CYTH1: variants seen among roughly 807,000 people sequenced by gnomAD.
The protein encoded by CYTH1 is cytohesin-1.
In CYTH1, 18 loss-of-function variants were observed where a neutral mutation model predicts 61.8. The ratio of observed to expected loss-of-function variants is 0.29; its 90% confidence interval spans 0.20 to 0.43. CYTH1 has a LOEUF of 0.43. CYTH1 is among the 20% of genes least tolerant of loss of function. The pLI is 1.00. For missense variants in CYTH1, 336 were observed against 510.5 expected (o/e 0.66, Z 3.29); for synonymous variants, 174 against 184.3 (o/e 0.94, Z 0.45).
chr17:78,707,988 A>G (rs910682648), intron 3 of CYTH1, among the ~76,000 whole-genome samples: 2 of 152,198 alleles, frequency 1.3e-5, no homozygotes, highest in East Asian at 1.9e-4. Context: ...CTCCAGTTCA[A>G]TTTTTTAAAC....
chr17:78,707,561 C>T (rs972955341), intron 3 of CYTH1, among the ~76,000 whole-genome samples: 2 of 152,086 alleles, frequency 1.3e-5, no homozygotes, highest in African/African-American at 4.8e-5. Flanking sequence ...TTTTCCTTTA[C>T]ACAAAGGAAA....
chr17:78,753,694 GT>G (rs1226783204), intron 1 of CYTH1, among the ~76,000 whole-genome samples: 10 of 152,022 alleles, frequency 6.6e-5, no homozygotes, highest in African/African-American at 2.2e-4. Flanking sequence ...GACTAAATAG[GT>G]GATTTGCCAT....
At chr17:78,728,266 C>A (rs1244374775) in intron 1 of CYTH1, among the ~76,000 whole-genome samples, 1 of 152,174 alleles carries the variant, frequency 6.6e-6, no homozygotes, top group South Asian at 2.1e-4. Context: ...ATTATTTACG[C>A]CGGGTGCAGT....
intron 1 of CYTH1, among the ~76,000 whole-genome samples, chr17:78,710,848 A>G (rs1187482325): frequency 6.6e-6 from 1 of 152,148 alleles, no homozygotes; most frequent in Non-Finnish European, 1.5e-5. Context: ...GGGTCCTTCT[A>G]TCCTTCAGTG....
At position 78,700,714 on chromosome 17, in the gene CYTH1, G is replaced by A. The variant is rs1316659680; in HGVS notation, c.438-271C>T. On this transcript the variant is annotated intron_variant, in intron 6 of 13. Coordinates refer to ENST00000446868, the MANE Select transcript of CYTH1 (RefSeq NM_004762.6). This position sits in a 1 kb window ranked among gnomAD's most constrained non-coding sequence, Gnocchi z 5.1. The stretch of plus-strand genomic sequence containing the variant: ...AATTTTTTGTATTTTTAGTAGAGAC[G>A]GGGTTTCACCATGCTGGCCAGGCTG... Among the ~76,000 whole-genome samples the A allele has an allele frequency of 3.3e-5, 5 of 151,974 alleles. No individual in the cohort carries two copies. The highest frequency in any genetic ancestry group is 1.3e-4 in the Admixed American group (2 of 15,276).
Position 78,701,000 on chromosome 17 carries a change from A to G in CYTH1, c.438-557T>C, listed in dbSNP as rs890065618. On this transcript the variant is annotated intron_variant, in intron 6 of 13. Transcript: ENST00000446868. This position sits in a 1 kb window ranked among gnomAD's most constrained non-coding sequence, Gnocchi z 5.1. The stretch of plus-strand genomic sequence containing the variant: ...ATTAGGAGGGAAACAATCCCTACTG[A>G]GGAGTGGTTTCCCTCCTCAGAATAA... Among the ~76,000 whole-genome samples the G allele has an allele frequency of 2.0e-5, 3 of 152,246 alleles. No homozygotes were observed. Among genetic ancestry groups the G allele is most frequent in the Admixed American group, 1.3e-4 (2 of 15,282 alleles).
At chr17:78,726,191 C>T (rs182609656) in intron 1 of CYTH1, among the ~76,000 whole-genome samples, 78 of 151,908 alleles carry the variant, frequency 5.1e-4, no homozygotes, top group Non-Finnish European at 1.8e-4. Context: ...CTACAGGCAC[C>T]CGCTACCACG....
At chr17:78,742,549 G>A (rs964504411) in intron 1 of CYTH1, among the ~76,000 whole-genome samples, 2 of 151,988 alleles carry the variant, frequency 1.3e-5, no homozygotes, top group Admixed American at 1.3e-4. Context: ...GCAAGAGTGA[G>A]ACCCTGTCTC....
intron 1 of CYTH1, among the ~76,000 whole-genome samples, chr17:78,755,561 T>C (rs1169881437): frequency 6.8e-6 from 1 of 146,422 alleles, no homozygotes; most frequent in East Asian, 2.0e-4. Context: ...TTCACTTACA[T>C]AAAATTCTAG....
At chr17:78,760,568 T>C (rs546302178) in intron 1 of CYTH1, among the ~76,000 whole-genome samples, 453 of 29,406 alleles carry the variant, frequency 0.015, 51 homozygotes, top group African/African-American at 0.046. Flanking sequence ...TATATATATA[T>C]ACACATACAT....
In CYTH1 at chr17:78,780,452, C is replaced by G. The variant is rs147373726; in HGVS notation, c.22+1750G>C. Among the ~76,000 whole-genome samples the G allele has an allele frequency of 8.5e-5, 13 of 152,278 alleles. No individual in the cohort carries two copies. The East Asian group carries it at 2.1e-3, about 25-fold the overall frequency. ...GATTGCTTGAGCCAAGGAAGCAGAGCGTGCAGTGAGCTATGAGAGCGCCCC... is the reference window on the plus strand; with the variant it reads ...GATTGCTTGAGCCAAGGAAGCAGAGGGTGCAGTGAGCTATGAGAGCGCCCC... On this transcript the variant is annotated intron_variant, in intron 1 of 13. Coordinates refer to ENST00000446868, the MANE Select transcript of CYTH1 (RefSeq NM_004762.6).
At position 78,677,539 on chromosome 17, in the gene CYTH1, C is replaced by T. The variant is rs553898651; in HGVS notation, c.1119-1370G>A. Reference sequence around the variant, plus strand: ...CATCTCAGCGCCTAGCCGACACACTCGATGGCAGCCGCTGTTACCGCTGAC... The same window carrying T: ...CATCTCAGCGCCTAGCCGACACACTTGATGGCAGCCGCTGTTACCGCTGAC... On this transcript the variant is annotated intron_variant, in intron 13 of 13. Coordinates refer to ENST00000446868, the MANE Select transcript of CYTH1 (RefSeq NM_004762.6). The T allele has an allele frequency of 5.0e-5, 8 of 161,330 alleles. No individual in the cohort carries two copies. The South Asian group carries it at 5.2e-4, about 10-fold the overall frequency. The allele number at this position is 161,330 out of a possible 1,614,324, so 10.0% of individuals were successfully genotyped here.
chr17:78,731,755 C>CAAAA (rs376349109), intron 1 of CYTH1, among the ~76,000 whole-genome samples: 4 of 73,664 alleles, frequency 5.4e-5, no homozygotes, highest in South Asian at 5.5e-4. Context: ...GACTCCGTCT[C>CAAAA]AAAAAAAAAA....
At chr17:78,684,714 T>C (rs2092798537) in intron 11 of CYTH1, among the ~76,000 whole-genome samples, 1 of 152,076 alleles carries the variant, frequency 6.6e-6, no homozygotes, top group African/African-American at 2.4e-5. Flanking sequence ...GAAAAACAGG[T>C]TTTATGAAAA....
At chr17:78,684,431 C>A (rs1030974372) in intron 11 of CYTH1, among the ~76,000 whole-genome samples, 2 of 152,246 alleles carry the variant, frequency 1.3e-5, no homozygotes, top group African/African-American at 4.8e-5. Context: ...AACAGGCAGG[C>A]TGCACCCCTC....
At chr17:78,688,284 G>A (rs533510328) in intron 11 of CYTH1, among the ~76,000 whole-genome samples, 6 of 152,366 alleles carry the variant, frequency 3.9e-5, no homozygotes, top group African/African-American at 1.2e-4. Context: ...CAGCCGTGGT[G>A]TTGGTTGGCA....
chr17:78,740,869 G>A (rs1332213003), intron 1 of CYTH1, among the ~76,000 whole-genome samples: 2 of 152,170 alleles, frequency 1.3e-5, no homozygotes, highest in Non-Finnish European at 2.9e-5. Flanking sequence ...CAGAGTGTTA[G>A]ATTACTACGT....
At chr17:78,730,518 G>T (rs1016091457) in intron 1 of CYTH1, among the ~76,000 whole-genome samples, 16 of 149,680 alleles carry the variant, frequency 1.1e-4, no homozygotes, top group Non-Finnish European at 2.1e-4. Flanking sequence ...CAGCCTGGGC[G>T]ACAGCGAGAC....
chr17:78,702,160 C>G lies in CYTH1; in HGVS notation c.318G>C (p.Gly106=). 1 of 1,614,194 alleles carries G rather than the reference C, an allele frequency of 6.2e-7. No individual in the cohort carries two copies. Among genetic ancestry groups the G allele is most frequent in the Non-Finnish European group, 8.5e-7 (1 of 1,180,038 alleles). ...DIAQFLYKGE[G]LNKTAIGDYL... ...AGTCGCCGATGGCTGTCTTGTTGAG[C>G]CCTTCGCCTTTATATAAGAACTGGG... The change falls in exon 5 of 14, where the codon GGG becomes GGC. Residue 106 remains glycine (G), a synonymous_variant. Transcript: ENST00000446868.
Sources: gnomAD v4.1 joint callset for allele counts (sites outside exome capture counted in the v4.1 genomes callset) on GRCh38, gnomAD v4.1.1 for gene constraint, Gnocchi (gnomAD v3.1) non-coding constraint, MANE v1.5 for transcripts, NCBI Gene and HGNC (gene_info 2026-07-23, HGNC 2026-07-21) for gene names.